DONSON: variants seen among roughly 807,000 people sequenced by gnomAD.
DONSON encodes DNA replication fork stabilization factor DONSON.
A neutral mutation model predicts 62.1 loss-of-function variants in DONSON; 43 were observed. The observed-to-expected ratio is 0.69, with a 90% CI of 0.54 to 0.89. The LOEUF (loss-of-function observed/expected upper bound fraction) is 0.89. DONSON is among the 40% of genes least tolerant of loss of function. DONSON has a pLI of 0.00. For synonymous variants in DONSON, 266 were observed against 264.6 expected (o/e 1.01, Z -0.05); for missense variants, 696 against 697.5 (o/e 1.00, Z 0.03).
chr21:33,585,233 A>T (rs925072413), intron 3 of DONSON, among the ~76,000 whole-genome samples: 1 of 152,012 alleles, frequency 6.6e-6, no homozygotes, highest in African/African-American at 2.4e-5. Flanking sequence ...CTTTAAAAAA[A>T]TTTTTTTAAG....
chr21:33,584,043 TATAC>T (rs1341282224), intron 4 of DONSON, among the ~76,000 whole-genome samples: 30 of 120,378 alleles, frequency 2.5e-4, no homozygotes, highest in Middle Eastern at 4.2e-3. Context: ...TATATATATA[TATAC>T]TTTTTTTTTT....
In DONSON at chr21:33,579,394, C is replaced by T; in HGVS notation, c.1519G>A (p.Ala507Thr). The change falls in exon 9 of 10, where the codon GCT (alanine) becomes ACT (threonine). Residue 507 changes from alanine (A) to threonine (T), a missense_variant. Ala to Thr is a moderately conservative substitution (Grantham distance 58, BLOSUM62 0). Transcript: ENST00000303071. ...SAVLYPHEPT[A>T]VFNICLQMDK... The stretch of plus-strand genomic sequence containing the variant: ...ATTTGCAGGCAGATGTTAAATACAG[C>T]AGTTGGCTCGTGTGGATACAGTACT... 6.2e-7 allele frequency: 1 copy of T among 1,612,110 alleles called. No individual in the cohort carries two copies. Among genetic ancestry groups the T allele is most frequent in the Non-Finnish European group, 8.5e-7 (1 of 1,178,520 alleles).
At chr21:33,587,097 A>G (rs2086585619) in intron 2 of DONSON, among the ~76,000 whole-genome samples, 1 of 152,156 alleles carries the variant, frequency 6.6e-6, no homozygotes, top group Non-Finnish European at 1.5e-5. Flanking sequence ...TACACAGCAC[A>G]ATGGTAGTAG....
At chr21:33,579,684 C>T (rs938034835) in intron 8 of DONSON, 122 bp from the exon 9 acceptor site, 1 of 746,924 alleles carries the variant, frequency 1.3e-6, no homozygotes, top group East Asian at 2.7e-5. Flanking sequence ...TGGAATAAAA[C>T]TATTTCCCAA....
At chr21:33,578,996 G>C (rs2086470276) in intron 9 of DONSON, among the ~76,000 whole-genome samples, 2 of 152,126 alleles carry the variant, frequency 1.3e-5, no homozygotes, top group African/African-American at 4.8e-5. Flanking sequence ...AAAATAGCCA[G>C]ATGTGGTGGC....
rs2086611249 is a variant in DONSON at position 33,588,658 on chromosome 21, G to GGGTAGCCGGCCGCCCTAC, written c.-35_-18dup. 1 of 1,230,310 alleles carries GGGTAGCCGGCCGCCCTAC rather than the reference G, an allele frequency of 8.1e-7. No homozygotes were observed. The highest frequency in any genetic ancestry group is 3.7e-5 in the South Asian group (1 of 26,952). The allele number at this position is 1,230,310 out of a possible 1,614,324, so 76.2% of individuals were successfully genotyped here. A position where few individuals can be genotyped will look rare whatever the true frequency, so the allele number is the denominator to read the frequency against. The stretch of plus-strand genomic sequence containing the variant: ...AAGGGCCATGACGCGCGGCGGCTGA[G>GGGTAGCCGGCCGCCCTAC]GGTAGCCGGCCGCCCTACAGAGACT... On this transcript the variant is annotated 5_prime_UTR_variant, in exon 1 of 10. Transcript: ENST00000303071.
chr21:33,578,998 T>G (rs34351464), intron 9 of DONSON, among the ~76,000 whole-genome samples: 57,926 of 151,848 alleles, frequency 0.38, 11,328 homozygotes, highest in East Asian at 0.58. Context: ...AATAGCCAGA[T>G]GTGGTGGCAC....
intron 2 of DONSON, chr21:33,587,225 A>T: frequency 2.5e-6 from 1 of 397,894 alleles, no homozygotes; most frequent in Non-Finnish European, 3.4e-6. Context: ...GGAGAAGTCA[A>T]CTGCCCAAAG....
rs1003078348 is a variant in DONSON at position 33,578,150 on chromosome 21, T to C, written c.*157A>G. The stretch of plus-strand genomic sequence containing the variant: ...TTCATCTTTATATCTAAAAATCTAA[T>C]CTGAAAATAGTAAAACACATTTAAA... On this transcript the variant is annotated 3_prime_UTR_variant, in exon 10 of 10. Coordinates refer to ENST00000303071, the MANE Select transcript of DONSON (RefSeq NM_017613.4). The C allele has an allele frequency of 1.9e-5, 14 of 737,640 alleles. No individual in the cohort carries two copies. Among genetic ancestry groups the C allele is most frequent in the Non-Finnish European group, 2.7e-5 (13 of 485,758 alleles). The allele number at this position is 737,640 out of a possible 1,614,324, so 45.7% of individuals were successfully genotyped here. A position where few individuals can be genotyped will look rare whatever the true frequency, so the allele number is the denominator to read the frequency against.
chr21:33,578,492 A>C (rs2086462093), intron 9 of DONSON, 48 bp from the exon 10 acceptor site: 1 of 1,552,186 alleles, frequency 6.4e-7, no homozygotes, highest in African/African-American at 1.4e-5. Context: ...TAGTCTTTAA[A>C]CACAGAAGAG....
chr21:33,585,187 C>CT lies in DONSON; in HGVS notation c.607-420dup, dbSNP rs780253556. Among the ~76,000 whole-genome samples, 5 of 152,116 alleles carry CT rather than the reference C, an allele frequency of 3.3e-5. No individual in the cohort carries two copies. The South Asian group carries it at 1.0e-3, about 32-fold the overall frequency. ...GAAAAGATGTATAATATACCAAGACCTTTTTCAGGGTAATCCTTTTTAACC... is the reference window on the plus strand; with the variant it reads ...GAAAAGATGTATAATATACCAAGACCTTTTTTCAGGGTAATCCTTTTTAACC... On this transcript the variant is annotated intron_variant, in intron 3 of 9. Transcript: ENST00000303071.
At chr21:33,587,029 T>A (rs899029057) in intron 2 of DONSON, among the ~76,000 whole-genome samples, 3 of 152,190 alleles carry the variant, frequency 2.0e-5, no homozygotes, top group Non-Finnish European at 4.4e-5. Context: ...CAAGAGAAAC[T>A]GGGTCTTGGA....
chr21:33,588,668 C>T lies in DONSON; in HGVS notation c.-27G>A, dbSNP rs948176984. On this transcript the variant is annotated 5_prime_UTR_variant, in exon 1 of 10. Transcript: ENST00000303071. ...ACGCGCGGCGGCTGAGGGTAGCCGGCCGCCCTACAGAGACTTCCCGCGCGC... is the reference window on the plus strand; with the variant it reads ...ACGCGCGGCGGCTGAGGGTAGCCGGTCGCCCTACAGAGACTTCCCGCGCGC... The T allele has an allele frequency of 2.9e-5, 36 of 1,229,016 alleles. No individual in the cohort carries two copies. Among genetic ancestry groups the T allele is most frequent in the South Asian group, 7.5e-5 (2 of 26,792 alleles). 76.1% of individuals were successfully genotyped at this position (1,229,016 alleles called of 1,614,324 possible).
At chr21:33,584,874 T>G in intron 3 of DONSON, 106 bp from the exon 4 acceptor site, 1 of 945,182 alleles carries the variant, frequency 1.1e-6, no homozygotes, top group Non-Finnish European at 1.5e-6. Context: ...CTTTATTGCT[T>G]TCTATAGGAA....
intron 8 of DONSON, chr21:33,581,027 T>A: frequency 3.8e-6 from 1 of 262,128 alleles, no homozygotes. Context: ...TGCAGTGAGT[T>A]GAGATCACGC....
chr21:33,579,652 G>T, intron 8 of DONSON, 90 bp from the exon 9 acceptor site: 1 of 1,045,470 alleles, frequency 9.6e-7, no homozygotes, highest in Non-Finnish European at 1.4e-6. Context: ...TCCATTTGGG[G>T]TTTCCTCTCT....
chr21:33,583,624 T>A lies in DONSON; in HGVS notation c.828A>T (p.Lys276Asn). The A allele has an allele frequency of 6.2e-7, 1 of 1,612,340 alleles. No individual in the cohort carries two copies. Among genetic ancestry groups the A allele is most frequent in the Non-Finnish European group, 8.5e-7 (1 of 1,178,930 alleles). Residue 276 changes from lysine to asparagine, a missense_variant, in exon 5 of 10, where the codon AAA (lysine) becomes AAT (asparagine). Physicochemically the swap from Lys to Asn is moderately conservative, Grantham distance 94. Coordinates refer to ENST00000303071, the MANE Select transcript of DONSON (RefSeq NM_017613.4). ...TACAAACGTAGAAATAGGGGCAAAG[T>A]TTTGTCTTCAGCAAATTATATAGAG... ...FTSLYNLLKT[K>N]LCPYFYVCTY...
intron 9 of DONSON, 55 bp from the exon 10 acceptor site, chr21:33,578,499 A>T (rs2086462326): frequency 6.5e-7 from 1 of 1,528,076 alleles, no homozygotes; most frequent in East Asian, 2.3e-5. Flanking sequence ...TAAACACAGA[A>T]GAGTTAAATA....
chr21:33,578,580 G>A (rs1018389747), intron 9 of DONSON, 136 bp from the exon 10 acceptor site: 1 of 1,016,614 alleles, frequency 9.8e-7, no homozygotes, highest in Non-Finnish European at 1.3e-6. Flanking sequence ...TTGATGCTAA[G>A]AATTTTTGTA....
Sources: gnomAD v4.1 joint callset for allele counts (sites outside exome capture counted in the v4.1 genomes callset) on GRCh38, gnomAD v4.1.1 for gene constraint, MANE v1.5 for transcripts, NCBI Gene and HGNC (gene_info 2026-07-23, HGNC 2026-07-21) for gene names.